The following PRKG1 variants were observed in gnomAD, a reference collection of about 807,000 sequenced individuals.
PRKG1 encodes the protein cGMP-dependent protein kinase 1.
Under a neutral mutation model 88.1 loss-of-function variants are expected in PRKG1, and 35 were observed. The ratio of observed to expected loss-of-function variants is 0.40; its 90% confidence interval spans 0.30 to 0.53. The LOEUF (loss-of-function observed/expected upper bound fraction) is 0.53, where lower values mean the gene tolerates loss of function less well. Ranked by LOEUF, PRKG1 falls within the 20% of genes least tolerant of loss-of-function variation. The pLI is 0.59. For synonymous variants in PRKG1, 303 were observed against 292.5 expected (o/e 1.04, Z -0.37); for missense variants, 540 against 839.8 (o/e 0.64, Z 4.41).
intron 7 of PRKG1, among the ~76,000 whole-genome samples, chr10:52,069,258 T>C (rs1846433360): frequency 6.6e-6 from 1 of 152,182 alleles, no homozygotes; most frequent in Non-Finnish European, 1.5e-5. Flanking sequence ...TTGCTGGGCA[T>C]GGTGGCTCAT....
At chr10:52,149,401 T>TTA (rs1383392728) in intron 8 of PRKG1, among the ~76,000 whole-genome samples, 8 of 152,202 alleles carry the variant, frequency 5.3e-5, no homozygotes, top group African/African-American at 1.7e-4. Flanking sequence ...AAGGACTGAA[T>TTA]TATGTCCACC....
chr10:51,181,944 A>C (rs1034013310), intron 2 of PRKG1, among the ~76,000 whole-genome samples: 1 of 152,238 alleles, frequency 6.6e-6, no homozygotes. Flanking sequence ...TTTTACTGAA[A>C]AACTACTTCT....
chr10:52,295,318 C>T lies in PRKG1; in HGVS notation c.*1418C>T, dbSNP rs1842356943. ...ACTAAGAAAGCAGTACAGAGGAAAA[C>T]AGGAACCTGATTTTTTTAAAATAAA... On this transcript the variant is annotated 3_prime_UTR_variant, in exon 18 of 18. Transcript: ENST00000373980. 6.6e-6 allele frequency: 1 copy of T among 151,944 alleles called. No homozygotes were observed. The highest frequency in any genetic ancestry group is 6.6e-5 in the Admixed American group (1 of 15,224). 9.4% of individuals were successfully genotyped at this position (151,944 alleles called of 1,614,324 possible). A position where few individuals can be genotyped will look rare whatever the true frequency, so the allele number is the denominator to read the frequency against.
intron 3 of PRKG1, among the ~76,000 whole-genome samples, chr10:51,737,748 TTA>T (rs1353770803): frequency 4.0e-3 from 429 of 108,410 alleles, no homozygotes; most frequent in African/African-American, 6.1e-3. Context: ...TTAATTATTA[TTA>T]TTATTATTAT....
At chr10:52,075,949 C>T (rs565321883) in intron 7 of PRKG1, among the ~76,000 whole-genome samples, 1 of 152,268 alleles carries the variant, frequency 6.6e-6, no homozygotes, top group East Asian at 1.9e-4. Flanking sequence ...AATACTGTCA[C>T]ATTGGGGGTT....
intron 2 of PRKG1, among the ~76,000 whole-genome samples, chr10:51,400,958 C>T (rs1022399332): frequency 2.0e-5 from 3 of 152,168 alleles, no homozygotes; most frequent in African/African-American, 7.2e-5. Context: ...GGACCGACTA[C>T]TACATACGAT....
At chr10:51,878,287 A>G (rs966449665) in intron 4 of PRKG1, among the ~76,000 whole-genome samples, 1 of 151,644 alleles carries the variant, frequency 6.6e-6, no homozygotes, top group Non-Finnish European at 1.5e-5. Context: ...CTCACCATTA[A>G]AGTATGAACA....
chr10:51,916,328 G>A (rs1842338664), intron 5 of PRKG1, among the ~76,000 whole-genome samples: 1 of 152,140 alleles, frequency 6.6e-6, no homozygotes, highest in African/African-American at 2.4e-5. Flanking sequence ...CGTCCTCACT[G>A]CTATACTCCC....
chr10:51,162,893 A>AT (rs1157144807), intron 2 of PRKG1, among the ~76,000 whole-genome samples: 4 of 151,818 alleles, frequency 2.6e-5, no homozygotes, highest in South Asian at 2.1e-4. Context: ...ATTTTTTTGG[A>AT]TTTTTTGTAG....
chr10:51,566,255 A>G (rs1291689827), intron 3 of PRKG1, among the ~76,000 whole-genome samples: 2 of 152,092 alleles, frequency 1.3e-5, no homozygotes, highest in Non-Finnish European at 2.9e-5. Flanking sequence ...CATAGAGACT[A>G]CCTGGCTCAG....
At position 52,188,315 on chromosome 10, in the gene PRKG1, T is replaced by C. The variant is rs199905231; in HGVS notation, c.1076+26352T>C. Among the ~76,000 whole-genome samples the C allele has an allele frequency of 4.1e-3, 479 of 116,028 alleles. 17 individuals are homozygous for C. Among genetic ancestry groups the C allele is most frequent in the African/African-American group, 0.017 (459 of 26,314 alleles). The allele number at this position is 116,028 out of a possible 152,430, so 76.1% of individuals were successfully genotyped here. Reference sequence around the variant, plus strand: ...GTATATATATATGTATATATATACATATGTATATATATACACATATATATA... The same window carrying C: ...GTATATATATATGTATATATATACACATGTATATATATACACATATATATA... On this transcript the variant is annotated intron_variant, in intron 9 of 17. Transcript: ENST00000373980.
intron 3 of PRKG1, among the ~76,000 whole-genome samples, chr10:51,664,425 A>G (rs1056744828): frequency 5.3e-5 from 8 of 152,178 alleles, no homozygotes; most frequent in Admixed American, 5.2e-4. Flanking sequence ...TTCTTATGAC[A>G]CTGTCCTAAC....
intron 3 of PRKG1, among the ~76,000 whole-genome samples, chr10:51,599,279 T>G (rs1838537307): frequency 6.6e-6 from 1 of 152,128 alleles, no homozygotes; most frequent in African/African-American, 2.4e-5. Context: ...GTCTAGTGGG[T>G]AGTGGCCAGA....
intron 2 of PRKG1, among the ~76,000 whole-genome samples, chr10:51,161,804 T>A (rs978584983): frequency 3.9e-5 from 6 of 152,226 alleles, no homozygotes; most frequent in African/African-American, 1.4e-4. Context: ...ACTTTAAAAG[T>A]GTATTTTTTT....
At chr10:51,213,398 A>T (rs1838285226) in intron 2 of PRKG1, among the ~76,000 whole-genome samples, 1 of 152,220 alleles carries the variant, frequency 6.6e-6, no homozygotes, top group Non-Finnish European at 1.5e-5. Context: ...GCACACCGAC[A>T]TGGCACATGT....
intron 9 of PRKG1, among the ~76,000 whole-genome samples, chr10:52,162,304 G>A (rs7911852): frequency 0.03 from 4,526 of 152,104 alleles, 209 homozygotes; most frequent in African/African-American, 0.1. Context: ...AGTTGCTTGT[G>A]GAATTGTATC....
chr10:52,030,274 C>T (rs10733891), intron 5 of PRKG1, among the ~76,000 whole-genome samples: 71,831 of 152,016 alleles, frequency 0.47, 17,087 homozygotes, highest in East Asian at 0.53. Context: ...CACTAGCTAC[C>T]TTTCATCTGG....
Position 51,755,011 on chromosome 10 carries a change from CA to C in PRKG1, c.593-49559del, listed in dbSNP as rs11450493. On this transcript the variant is annotated intron_variant, in intron 3 of 17. Coordinates refer to ENST00000373980, the MANE Select transcript of PRKG1 (RefSeq NM_006258.4). ...TTGGAATAACATCAGAACTCAATTA[CA>C]AAAAAAAAAAAAAATAGACACACAT... 6.3e-3 allele frequency among the ~76,000 whole-genome samples: 818 copies of C among 130,758 alleles called. 9 individuals carry two copies. Among genetic ancestry groups the C allele is most frequent in the South Asian group, 0.047 (187 of 4,014 alleles). 85.8% of individuals were successfully genotyped at this position (130,758 alleles called of 152,430 possible).
intron 7 of PRKG1, among the ~76,000 whole-genome samples, chr10:52,090,390 A>T (rs1032995842): frequency 5.3e-5 from 8 of 152,202 alleles, no homozygotes; most frequent in African/African-American, 1.9e-4. Context: ...ATAAATGTTC[A>T]TAAGTCCCTA....
Sources: gnomAD v4.1 joint callset for allele counts (sites outside exome capture counted in the v4.1 genomes callset) on GRCh38, gnomAD v4.1.1 for gene constraint, MANE v1.5 for transcripts, NCBI Gene and HGNC (gene_info 2026-07-23, HGNC 2026-07-21) for gene names.